The following DKK3 variants were observed in gnomAD, a reference collection of about 807,000 sequenced individuals.
The protein encoded by DKK3 is dickkopf-related protein 3.
Under a neutral mutation model 33.2 loss-of-function variants are expected in DKK3, and 22 were observed. The ratio of observed to expected loss-of-function variants is 0.66; its 90% CI spans 0.47 to 0.95. DKK3 has a LOEUF of 0.95. DKK3 is among the 40% of genes least tolerant of loss of function. The pLI is 0.00. For synonymous variants in DKK3, 194 were observed against 188.8 expected (o/e 1.03, Z -0.23); for missense variants, 398 against 458.4 (o/e 0.87, Z 1.20).
At chr11:12,004,203 A>G (rs1848492072) in intron 1 of DKK3, among the ~76,000 whole-genome samples, 1 of 152,166 alleles carries the variant, frequency 6.6e-6, no homozygotes, top group African/African-American at 2.4e-5. Flanking sequence ...GACCCGCTGA[A>G]TTGGGATTTC....
At chr11:11,989,769 T>A (rs2135067936) in intron 3 of DKK3, among the ~76,000 whole-genome samples, 1 of 152,286 alleles carries the variant, frequency 6.6e-6, no homozygotes, top group East Asian at 1.9e-4. Flanking sequence ...AGAACATGAG[T>A]CTTGGAAGTT....
intron 2 of DKK3, among the ~76,000 whole-genome samples, chr11:12,000,036 T>C (rs545211485): frequency 2.0e-5 from 3 of 152,372 alleles, no homozygotes; most frequent in African/African-American, 7.2e-5. Context: ...CAAGCCTGTA[T>C]GTATGGGTTG....
At chr11:11,984,818 C>T (rs557786405) in intron 3 of DKK3, among the ~76,000 whole-genome samples, 52 of 152,260 alleles carry the variant, frequency 3.4e-4, no homozygotes, top group Admixed American at 2.1e-3. Context: ...CTCTAAGGAG[C>T]GTCCAATCTC....
intron 1 of DKK3, among the ~76,000 whole-genome samples, chr11:12,006,954 A>C (rs1261578318): frequency 1.3e-5 from 2 of 152,176 alleles, no homozygotes; most frequent in African/African-American, 4.8e-5. Context: ...GAAGCTTCAG[A>C]GTTAAGAGAC....
chr11:11,979,796 C>T (rs1847917656), intron 3 of DKK3: 1 of 152,326 alleles, frequency 6.6e-6, no homozygotes, highest in Non-Finnish European at 1.5e-5. Flanking sequence ...AAAACACAAA[C>T]TTGATTATGC....
chr11:11,974,286 G>GTATA (rs1847786912), intron 3 of DKK3, among the ~76,000 whole-genome samples: 1 of 152,264 alleles, frequency 6.6e-6, no homozygotes, highest in African/African-American at 2.4e-5. Context: ...CAGGCTTTAA[G>GTATA]TATAGTATGC....
intron 1 of DKK3, among the ~76,000 whole-genome samples, chr11:12,003,074 C>T (rs1287156267): frequency 1.3e-5 from 2 of 152,242 alleles, no homozygotes; most frequent in African/African-American, 2.4e-5. Flanking sequence ...CCTAGATGCC[C>T]GCAGCAGTAA....
intron 3 of DKK3, among the ~76,000 whole-genome samples, chr11:11,992,525 A>T (rs1436222200): frequency 1.3e-5 from 2 of 152,146 alleles, no homozygotes; most frequent in East Asian, 3.8e-4. Flanking sequence ...TCACATAGAC[A>T]TTGAGCACTC....
chr11:11,975,355 G>A (rs1046871306), intron 3 of DKK3, among the ~76,000 whole-genome samples: 9 of 152,210 alleles, frequency 5.9e-5, no homozygotes, highest in Non-Finnish European at 1.2e-4. Context: ...CCAGAACAGC[G>A]TCTCTTGGCT....
intron 3 of DKK3, among the ~76,000 whole-genome samples, chr11:11,975,487 T>C (rs567464864): frequency 2.6e-5 from 4 of 152,358 alleles, no homozygotes; most frequent in Admixed American, 2.0e-4. Context: ...TGCCAGGCCC[T>C]GAGTGCTCCC....
At chr11:12,003,966 G>A (rs1208302504) in intron 1 of DKK3, among the ~76,000 whole-genome samples, 1 of 152,170 alleles carries the variant, frequency 6.6e-6, no homozygotes, top group African/African-American at 2.4e-5. Context: ...TTAGTCAGTG[G>A]CCGGATTCTG....
chr11:11,978,640 A>C (rs1847891276), intron 3 of DKK3, among the ~76,000 whole-genome samples: 1 of 151,982 alleles, frequency 6.6e-6, no homozygotes, highest in Admixed American at 6.6e-5. Flanking sequence ...TGGCCTCCCA[A>C]AGTGATGGGA....
intron 3 of DKK3, among the ~76,000 whole-genome samples, chr11:11,997,918 A>G (rs956546488): frequency 8.5e-5 from 13 of 152,212 alleles, no homozygotes; most frequent in Non-Finnish European, 1.8e-4. Flanking sequence ...TGCAGAAGCC[A>G]TCTGGATACA....
intron 1 of DKK3, among the ~76,000 whole-genome samples, chr11:12,004,466 G>C (rs888788374): frequency 6.6e-6 from 1 of 152,220 alleles, no homozygotes; most frequent in Non-Finnish European, 1.5e-5. Context: ...CTCTAAGTAA[G>C]TCTAGAAGGA....
At position 12,002,306 on chromosome 11, in the gene DKK3, A is replaced by C; in HGVS notation, c.345T>G (p.Ile115Met). The C allele has an allele frequency of 6.2e-7, 1 of 1,613,090 alleles. No individual in the cohort carries two copies. The highest frequency in any genetic ancestry group is 8.5e-7 in the Non-Finnish European group (1 of 1,179,368). ...AGTGCTGGCCATGACTTACCTTGTG[A>C]ATTTCTCGGTGCACATGGATGGTAT... ...GNNTIHVHRE[I>M]HKITNNQTGQ... Residue 115 changes from isoleucine (I) to methionine (M), a missense_variant, in exon 2 of 7, where the codon ATT becomes ATG. Physicochemically the swap from Ile to Met is conservative, Grantham distance 10. Coordinates refer to ENST00000683431, the MANE Select transcript of DKK3 (RefSeq NM_001018057.2).
intron 3 of DKK3, among the ~76,000 whole-genome samples, chr11:11,990,901 A>C (rs1171494553): frequency 6.6e-6 from 1 of 152,208 alleles, no homozygotes; most frequent in Non-Finnish European, 1.5e-5. Context: ...GAAGGGTCTA[A>C]GATTCTATTC....
chr11:11,994,154 TCCC>T (rs1049201129), intron 3 of DKK3, among the ~76,000 whole-genome samples: 8 of 151,830 alleles, frequency 5.3e-5, no homozygotes, highest in African/African-American at 1.9e-4. Context: ...CTTTCGCATC[TCCC>T]CCCAGTCTCA....
intron 3 of DKK3, among the ~76,000 whole-genome samples, chr11:11,976,151 T>C (rs1173695064): frequency 6.6e-6 from 1 of 152,172 alleles, no homozygotes; most frequent in Non-Finnish European, 1.5e-5. Context: ...AATGAATACA[T>C]TTCTACTGAA....
chr11:11,997,531 GGA>G (rs933253613), intron 3 of DKK3, among the ~76,000 whole-genome samples: 1 of 152,170 alleles, frequency 6.6e-6, no homozygotes, highest in Non-Finnish European at 1.5e-5. Context: ...GCCAGGGCTG[GGA>G]GAGATGATGG....
Sources: allele counts gnomAD v4.1 joint callset (sites outside exome capture counted in the v4.1 genomes callset), GRCh38; gene constraint gnomAD v4.1.1; transcripts MANE v1.5; gene names NCBI Gene and HGNC (gene_info 2026-07-23, HGNC 2026-07-21).